The following LMO7 variants were observed in gnomAD, a reference collection of about 807,000 sequenced individuals.
LMO7 encodes the protein LIM domain only protein 7.
In LMO7, 120 loss-of-function variants were observed where a neutral mutation model predicts 206.5. The observed-to-expected ratio is 0.58, with a 90% CI of 0.50 to 0.68. The LOEUF (loss-of-function observed/expected upper bound fraction) is 0.68. Among genes scored for constraint, LMO7 ranks in the 30% least tolerant of loss-of-function variants. The pLI, the probability that LMO7 is intolerant of heterozygous loss-of-function variation, is 0.00. For missense variants in LMO7, 1,959 were observed against 1,957.9 expected (o/e 1.00, Z -0.01); for synonymous variants, 706 against 681.5 (o/e 1.04, Z -0.56).
At chr13:75,777,792 C>T (rs2050724229) in intron 4 of LMO7, among the ~76,000 whole-genome samples, 1 of 151,826 alleles carries the variant, frequency 6.6e-6, no homozygotes, top group South Asian at 2.1e-4. Flanking sequence ...ACTACAGGCG[C>T]CTGCCACGAC....
At position 75,636,423 on chromosome 13, in the gene LMO7, G is replaced by A; in HGVS notation, c.-235G>A. The A allele has an allele frequency of 7.4e-7, 1 of 1,360,192 alleles. No homozygotes were observed. Among genetic ancestry groups the A allele is most frequent in the East Asian group, 3.2e-5 (1 of 31,680 alleles). 84.3% of individuals were successfully genotyped at this position (1,360,192 alleles called of 1,614,324 possible). A position where few individuals can be genotyped will look rare whatever the true frequency, so the allele number is the denominator to read the frequency against. ...ACTGCCCGGGTCCCCGCGGGCCTTGGGTCGCTTTCAGGAGTTTAGAGAAAG... is the reference window on the plus strand; with the variant it reads ...ACTGCCCGGGTCCCCGCGGGCCTTGAGTCGCTTTCAGGAGTTTAGAGAAAG... On this transcript the variant is annotated 5_prime_UTR_variant, in exon 1 of 31. Coordinates refer to ENST00000377534, the MANE Select transcript of LMO7 (RefSeq NM_001306080.2).
chr13:75,829,858 G>A (rs535282046), intron 15 of LMO7, among the ~76,000 whole-genome samples: 4 of 152,092 alleles, frequency 2.6e-5, no homozygotes, highest in Non-Finnish European at 5.9e-5. Context: ...AGTTGTTGGG[G>A]CAATCTGAAC....
intron 4 of LMO7, 59 bp downstream of exon 4, chr13:75,761,097 T>A: frequency 9.1e-7 from 1 of 1,100,358 alleles, no homozygotes; most frequent in Non-Finnish European, 1.3e-6. Context: ...GGCTTGTAGC[T>A]TAAGTGAAAA....
At chr13:75,667,779 CTGG>C (rs902236828) in intron 1 of LMO7, among the ~76,000 whole-genome samples, 18 of 152,280 alleles carry the variant, frequency 1.2e-4, no homozygotes, top group African/African-American at 4.3e-4. Flanking sequence ...GTCTTTTCTC[CTGG>C]GAAGTGGCCA....
intron 1 of LMO7, among the ~76,000 whole-genome samples, chr13:75,699,602 A>AG (rs2042139136): frequency 6.8e-6 from 1 of 147,026 alleles, no homozygotes; most frequent in Non-Finnish European, 1.5e-5. Flanking sequence ...CGTCTTTATT[A>AG]GGGGTTTCAA....
intron 4 of LMO7, among the ~76,000 whole-genome samples, chr13:75,789,329 C>G (rs1315584386): frequency 2.0e-5 from 3 of 151,992 alleles, no homozygotes; most frequent in Non-Finnish European, 4.4e-5. Flanking sequence ...AATTCAACTC[C>G]TAGGAGGTTA....
chr13:75,690,379 G>A (rs1178335785), intron 1 of LMO7, among the ~76,000 whole-genome samples: 1 of 152,114 alleles, frequency 6.6e-6, no homozygotes, highest in East Asian at 1.9e-4. Context: ...TGCCCAAAAT[G>A]TCACCAGGAC....
intron 3 of LMO7, among the ~76,000 whole-genome samples, chr13:75,732,856 C>G (rs1216224341): frequency 6.6e-6 from 1 of 152,196 alleles, no homozygotes; most frequent in Admixed American, 6.5e-5. Context: ...GGACCCTCAG[C>G]TGCAGGTCTG....
chr13:75,654,551 A>T (rs184706149), intron 1 of LMO7, among the ~76,000 whole-genome samples: 1 of 152,256 alleles, frequency 6.6e-6, no homozygotes, highest in East Asian at 1.9e-4. Flanking sequence ...CAGATAATAG[A>T]TGGGGCTGTG....
At chr13:75,856,483 G>T (rs753514654) in intron 29 of LMO7, 23 bp from the exon 30 acceptor site, 2 of 1,463,798 alleles carry the variant, frequency 1.4e-6, no homozygotes, top group African/African-American at 1.4e-5. Flanking sequence ...GATTGTAGAT[G>T]TTCTTTTTTT....
intron 2 of LMO7, among the ~76,000 whole-genome samples, chr13:75,624,463 C>T (rs4885330): frequency 0.44 from 66,848 of 151,988 alleles, 16,240 homozygotes; most frequent in East Asian, 0.63. Flanking sequence ...ATATTTTACT[C>T]ACTACCTGAA....
intron 4 of LMO7, among the ~76,000 whole-genome samples, chr13:75,790,806 A>G (rs1275981278): frequency 1.3e-5 from 2 of 152,160 alleles, no homozygotes; most frequent in East Asian, 1.9e-4. Context: ...CAGAAAGCAA[A>G]GGAATTATCA....
intron 2 of LMO7, among the ~76,000 whole-genome samples, chr13:75,723,203 C>A (rs930225552): frequency 1.5e-4 from 21 of 135,698 alleles, no homozygotes; most frequent in Non-Finnish European, 2.1e-4. Flanking sequence ...TAAAAAAAAA[C>A]CCAAAATCAT....
chr13:75,672,334 C>T (rs577500494), intron 1 of LMO7, among the ~76,000 whole-genome samples: 6 of 151,730 alleles, frequency 4.0e-5, no homozygotes, highest in East Asian at 1.9e-4. Flanking sequence ...CTCTGCCTCC[C>T]GGGTTCAAGC....
In LMO7 at chr13:75,858,905, A is replaced by G. The variant is rs2061145870; in HGVS notation, c.*962A>G. 1 of 152,228 alleles carries G rather than the reference A, an allele frequency of 6.6e-6. No individual in the cohort carries two copies. Among genetic ancestry groups the G allele is most frequent in the Admixed American group, 6.5e-5 (1 of 15,276 alleles). The allele number at this position is 152,228 out of a possible 1,614,324, so 9.4% of individuals were successfully genotyped here. A position where few individuals can be genotyped will look rare whatever the true frequency, so the allele number is the denominator to read the frequency against. ...GATGTGTTTACTGAAACATTTTAAT[A>G]AGGAAGTTTATTTTTGATAAAGTTA... is the stretch of plus-strand genomic sequence containing the variant. On this transcript the variant is annotated 3_prime_UTR_variant, in exon 31 of 31. Coordinates refer to ENST00000377534, the MANE Select transcript of LMO7 (RefSeq NM_001306080.2).
intron 7 of LMO7, among the ~76,000 whole-genome samples, chr13:75,801,833 T>A (rs2054773342): frequency 6.6e-6 from 1 of 152,228 alleles, no homozygotes; most frequent in South Asian, 2.1e-4. Context: ...TCCTAGCATA[T>A]CTATGACAAA....
intron 25 of LMO7, among the ~76,000 whole-genome samples, chr13:75,844,417 T>C (rs78774842): frequency 0.037 from 5,459 of 148,864 alleles, 110 homozygotes; most frequent in Non-Finnish European, 0.052. Flanking sequence ...GTTTTTTTCT[T>C]TTTTTTTTTT....
At chr13:75,696,923 C>T (rs1390706669) in intron 1 of LMO7, among the ~76,000 whole-genome samples, 2 of 152,214 alleles carry the variant, frequency 1.3e-5, no homozygotes, top group East Asian at 3.9e-4. Context: ...TATGAGGTAA[C>T]GCACGTCGAA....
intron 27 of LMO7, among the ~76,000 whole-genome samples, chr13:75,852,172 TA>T (rs1474901882): frequency 6.6e-6 from 1 of 152,226 alleles, no homozygotes; most frequent in Non-Finnish European, 1.5e-5. Context: ...ATTTTAAAAA[TA>T]TTTTTCTTAG....
Sources: gnomAD v4.1 joint callset for allele counts (sites outside exome capture counted in the v4.1 genomes callset) on GRCh38, gnomAD v4.1.1 for gene constraint, MANE v1.5 for transcripts, NCBI Gene and HGNC (gene_info 2026-07-23, HGNC 2026-07-21) for gene names.